The following RAD17 variants were observed in gnomAD, a reference collection of about 807,000 sequenced individuals.
RAD17 encodes the protein RAD17 checkpoint clamp loader component.
Under a neutral mutation model 81.5 loss-of-function variants are expected in RAD17, and 31 were observed. The ratio of observed to expected loss-of-function variants is 0.38; its 90% CI spans 0.29 to 0.51. The LOEUF (loss-of-function observed/expected upper bound fraction) is 0.51. RAD17 is among the 20% of genes least tolerant of loss of function. RAD17 has a pLI of 0.88. For missense variants in RAD17, 681 were observed against 781.2 expected (o/e 0.87, Z 1.53); for synonymous variants, 261 against 266.2 (o/e 0.98, Z 0.19).
intron 12 of RAD17, among the ~76,000 whole-genome samples, chr5:69,391,513 C>T (rs1764555790): frequency 6.6e-6 from 1 of 152,124 alleles, no homozygotes; most frequent in Admixed American, 6.5e-5. Context: ...CATGTTGGCA[C>T]TGCAAGTTTC....
chr5:69,384,673 C>T (rs1174283696), intron 7 of RAD17, 124 bp from the exon 8 acceptor site: 7 of 883,226 alleles, frequency 7.9e-6, no homozygotes, highest in African/African-American at 3.5e-5. Context: ...AATGATTTTT[C>T]CTAATTGGGA....
chr5:69,373,926 CAT>C lies in RAD17; in HGVS notation c.108_109del (p.His36GlnfsTer40). 1 of 1,612,246 alleles carries C rather than the reference CAT, an allele frequency of 6.2e-7. No individual in the cohort carries two copies. Among genetic ancestry groups the C allele is most frequent in the Non-Finnish European group, 8.5e-7 (1 of 1,178,964 alleles). On this transcript the variant is annotated frameshift_variant, in exon 5 of 19. Transcript: ENST00000354868. LOFTEE classifies it high-confidence loss of function. ...ATSLGVNNSS[H>X]RRKNGPSTLE... ...ATCATTAGGTGTGAATAACTCAAGT[CAT>C]AGAAGAAAAAATGGGCCTTCTACAT...
At chr5:69,380,015 G>T (rs1465406859) in intron 6 of RAD17, among the ~76,000 whole-genome samples, 1 of 151,922 alleles carries the variant, frequency 6.6e-6, no homozygotes, top group African/African-American at 2.4e-5. Context: ...TGAGTAGCTG[G>T]GATTACAGGA....
At chr5:69,409,686 G>A (rs1765845554) in intron 17 of RAD17, among the ~76,000 whole-genome samples, 1 of 152,160 alleles carries the variant, frequency 6.6e-6, no homozygotes, top group South Asian at 2.1e-4. Flanking sequence ...TTGTGATAAA[G>A]TATACAAAGC....
At chr5:69,392,086 T>TA in intron 13 of RAD17, 73 bp downstream of exon 13, 2 of 1,278,270 alleles carry the variant, frequency 1.6e-6, no homozygotes, top group Non-Finnish European at 2.1e-6. Context: ...ATGTCACTTT[T>TA]AAAAAAATGT....
chr5:69,392,972 G>C, intron 13 of RAD17, 183 bp from the exon 14 acceptor site: 1 of 537,968 alleles, frequency 1.9e-6, no homozygotes. Context: ...TGTTAATTTA[G>C]TTCTTGCTAA....
intron 6 of RAD17, among the ~76,000 whole-genome samples, chr5:69,377,550 C>T (rs13361068): frequency 0.033 from 164 of 5,042 alleles, 11 homozygotes; most frequent in Non-Finnish European, 0.053. Flanking sequence ...TATATATATG[C>T]ATATATATGT....
At chr5:69,400,576 A>G (rs992393394) in intron 17 of RAD17, among the ~76,000 whole-genome samples, 3 of 151,546 alleles carry the variant, frequency 2.0e-5, no homozygotes, top group Admixed American at 1.3e-4. Flanking sequence ...ATGCAGTGAG[A>G]TACTTTTTTT....
chr5:69,401,672 C>G (rs372661312), intron 17 of RAD17, among the ~76,000 whole-genome samples: 5 of 152,052 alleles, frequency 3.3e-5, no homozygotes, highest in African/African-American at 1.2e-4. Context: ...TTGCCCTTCT[C>G]CTTGCCAATT....
At position 69,393,431 on chromosome 5, in the gene RAD17, G is replaced by T. The variant is rs760817865; in HGVS notation, c.1353G>T (p.Met451Ile). The T allele has an allele frequency of 1.2e-6, 2 of 1,609,418 alleles. No homozygotes were observed. Among genetic ancestry groups the T allele is most frequent in the South Asian group, 2.2e-5 (2 of 90,510 alleles). Residue 451 changes from methionine to isoleucine, a missense_variant, in exon 15 of 19, where the codon ATG becomes ATT. Coordinates refer to ENST00000354868, the MANE Select transcript of RAD17 (RefSeq NM_133338.3). Reference protein sequence around the residue: ...YLHQNYIDFFMEIDDIVRASE... With the variant: ...YLHQNYIDFFIEIDDIVRASE... ...ACCAAAACTACATAGATTTCTTCAT[G>T]GAAATTGATGATATTGTGAGAGCCA...
intron 8 of RAD17, among the ~76,000 whole-genome samples, chr5:69,385,171 A>G (rs562628652): frequency 1.3e-4 from 20 of 151,664 alleles, no homozygotes; most frequent in South Asian, 4.2e-4. Flanking sequence ...TGTGTTAGCC[A>G]GGATGGTCTC....
intron 16 of RAD17, among the ~76,000 whole-genome samples, chr5:69,398,780 T>G (rs1765061612): frequency 1.4e-5 from 2 of 144,838 alleles, no homozygotes; most frequent in Non-Finnish European, 3.0e-5. Flanking sequence ...CACTCCAGCC[T>G]AGGCGACAGA....
intron 1 of RAD17, 49 bp downstream of exon 1, chr5:69,369,982 T>C (rs3756399): frequency 0.9 from 409,252 of 454,098 alleles, 186,592 homozygotes; most frequent in Non-Finnish European, 0.95. Context: ...CTTAGAGACG[T>C]GAGTCTATCT....
At chr5:69,375,630 G>C (rs113198202) in intron 6 of RAD17, among the ~76,000 whole-genome samples, 1 of 98,974 alleles carries the variant, frequency 1.0e-5, no homozygotes, top group East Asian at 3.1e-4. Context: ...CAGTATGTCT[G>C]TTTTTTTAAA....
chr5:69,376,289 A>G (rs906082586), intron 6 of RAD17, among the ~76,000 whole-genome samples: 4 of 152,114 alleles, frequency 2.6e-5, no homozygotes, highest in East Asian at 3.8e-4. Flanking sequence ...CAGTTTTTCA[A>G]TCCTTGCCTG....
chr5:69,383,354 GTTTTC>G (rs1393087565), intron 7 of RAD17, among the ~76,000 whole-genome samples: 3 of 150,872 alleles, frequency 2.0e-5, no homozygotes, highest in Non-Finnish European at 1.5e-5. Flanking sequence ...GGCTTTTACT[GTTTTC>G]TTTTCTTTAT....
rs796377315 is a variant in RAD17 at position 69,377,506 on chromosome 5, T to C, written c.351+2795T>C. Among the ~76,000 whole-genome samples the C allele has an allele frequency of 2.4e-3, 172 of 71,310 alleles. 9 individuals are homozygous for C. Among genetic ancestry groups the C allele is most frequent in the Admixed American group, 3.8e-3 (21 of 5,582 alleles). The allele number at this position is 71,310 out of a possible 152,430, so 46.8% of individuals were successfully genotyped here. ...ACACACATATATATACGTATATATA[T>C]GTATATATACGTATATATATGTGTA... On this transcript the variant is annotated intron_variant, in intron 6 of 18. Transcript: ENST00000354868.
chr5:69,399,610 G>A (rs1354739661), intron 16 of RAD17, among the ~76,000 whole-genome samples: 2 of 152,068 alleles, frequency 1.3e-5, no homozygotes, highest in East Asian at 3.8e-4. Flanking sequence ...ATTTTGCATT[G>A]TTGCTGCATA....
At chr5:69,413,074 G>A (rs934540401) in intron 18 of RAD17, among the ~76,000 whole-genome samples, 2 of 151,450 alleles carry the variant, frequency 1.3e-5, no homozygotes, top group East Asian at 3.9e-4. Flanking sequence ...GGAACCATTT[G>A]TATTTGTTTT....
Sources: gnomAD v4.1 joint callset for allele counts (sites outside exome capture counted in the v4.1 genomes callset) on GRCh38, gnomAD v4.1.1 for gene constraint, MANE v1.5 for transcripts, NCBI Gene and HGNC (gene_info 2026-07-23, HGNC 2026-07-21) for gene names.